LRCH4: variants seen among roughly 807,000 people sequenced by gnomAD.
The protein encoded by LRCH4 is leucine-rich repeat and calponin homology domain-containing protein 4.
In LRCH4, 56 loss-of-function variants were observed where a neutral mutation model predicts 81.2. That is an observed-to-expected ratio of 0.69 (90% CI 0.56 to 0.86). The LOEUF (loss-of-function observed/expected upper bound fraction) is 0.86. Among genes scored for constraint, LRCH4 ranks in the 40% least tolerant of loss-of-function variants. The pLI, the probability that LRCH4 is intolerant of heterozygous loss-of-function variation, is 0.00. For synonymous variants in LRCH4, 442 were observed against 409.7 expected (o/e 1.08, Z -0.95); for missense variants, 895 against 922.8 (o/e 0.97, Z 0.39).
Position 100,577,579 on chromosome 7 carries a change from C to T in LRCH4, c.1117-21G>A. 1.1e-5 allele frequency: 17 copies of T among 1,611,326 alleles called. No individual in the cohort carries two copies. Among genetic ancestry groups the T allele is most frequent in the Non-Finnish European group, 1.4e-5 (17 of 1,179,908 alleles). On this transcript the variant is annotated intron_variant, in intron 9 of 17. Transcript: ENST00000310300. The surrounding 1 kb of genome is among the most constrained non-coding windows in gnomAD (Gnocchi z 6.7). Reference sequence around the variant, plus strand: ...TGCTCCTAAGGAGAGAACAGCAGAGCAGCTGAGGGCAGGCCTGTGCCCACG... The same window carrying T: ...TGCTCCTAAGGAGAGAACAGCAGAGTAGCTGAGGGCAGGCCTGTGCCCACG...
At chr7:100,584,390 G>A (rs1279905413) in intron 1 of LRCH4, among the ~76,000 whole-genome samples, 5 of 151,870 alleles carry the variant, frequency 3.3e-5, no homozygotes, top group East Asian at 3.9e-4. Flanking sequence ...ACAGGAGCAC[G>A]GCTGCACCCT....
chr7:100,581,598 C>T (rs1801560782), intron 4 of LRCH4, 179 bp downstream of exon 4: 1 of 580,398 alleles, frequency 1.7e-6, no homozygotes, highest in East Asian at 3.0e-5. Flanking sequence ...CCAGGAAAAG[C>T]ACCCTGCCAG....
At chr7:100,584,214 T>A (rs747280107) in intron 1 of LRCH4, 2 of 456,326 alleles carry the variant, frequency 4.4e-6, no homozygotes, top group South Asian at 3.1e-5. Flanking sequence ...TGGGCAACTG[T>A]ATGTTTTTGT....
In LRCH4 at chr7:100,581,516, T is replaced by C. The variant is rs41280980; in HGVS notation, c.598+261A>G. 7.5e-3 allele frequency: 3,044 copies of C among 407,722 alleles called. 18 individuals are homozygous for C. The highest frequency in any genetic ancestry group is 9.6e-3 in the Non-Finnish European group (2,157 of 224,168). The allele number at this position is 407,722 out of a possible 1,614,324, so 25.3% of individuals were successfully genotyped here. ...CATCAGTGAGATTTGTGCTCCTTTA[T>C]CAAAGAGGCCCCAGAGGGCTGTCTC... On this transcript the variant is annotated intron_variant, in intron 4 of 17. Coordinates refer to ENST00000310300, the MANE Select transcript of LRCH4 (RefSeq NM_002319.5).
chr7:100,577,315 T>TGCCGCC lies in LRCH4; in HGVS notation c.1247_1252dup (p.Arg416_Arg417dup). The TGCCGCC allele has an allele frequency of 1.3e-6, 2 of 1,596,552 alleles. No homozygotes were observed. The highest frequency in any genetic ancestry group is 1.7e-6 in the Non-Finnish European group (2 of 1,177,934). On this transcript the variant is annotated inframe_insertion, in exon 11 of 18. Coordinates refer to ENST00000310300, the MANE Select transcript of LRCH4 (RefSeq NM_002319.5). This position sits in a 1 kb window ranked among gnomAD's most constrained non-coding sequence, Gnocchi z 6.7. The stretch of plus-strand genomic sequence containing the variant: ...CCCCCACGCCCCGCTCTGCTGCTGC[T>TGCCGCC]GCCGCCGTTCCCGCTCCTGCCACAG...
In LRCH4 at chr7:100,575,702, T is replaced by A. The variant is rs1313589922; in HGVS notation, c.1854+3A>T. ...ACCACTCTTTAGAAAGCAGCCCCCA[T>A]ACCTCAGGCACCCCCATTTTTCGAC... On this transcript the variant is annotated splice_donor_region_variant and intron_variant, in intron 17 of 17. Coordinates refer to ENST00000310300, the MANE Select transcript of LRCH4 (RefSeq NM_002319.5). The surrounding 1 kb of genome is among the most constrained non-coding windows in gnomAD (Gnocchi z 5.3). The A allele has an allele frequency of 6.2e-7, 1 of 1,614,112 alleles. No homozygotes were observed. Among genetic ancestry groups the A allele is most frequent in the Non-Finnish European group, 8.5e-7 (1 of 1,179,956 alleles).
rs1448383637 is a variant in LRCH4, at chr7:100,575,257, C to T, written c.1902G>A (p.Gly634=). 1.9e-6 allele frequency: 3 copies of T among 1,582,428 alleles called. No homozygotes were observed. Among genetic ancestry groups the T allele is most frequent in the East Asian group, 2.3e-5 (1 of 43,724 alleles). ...TCACGGCCTCCAGCGCGGTCCGCAG[C>T]CCCCGGGCAGTGCCCTGGAGGAGAT... is the stretch of plus-strand genomic sequence containing the variant. The part of the protein sequence containing the change: ...PSDLLQGTAR[G]LRTALEAVKR... The change falls in exon 18 of 18, where the codon GGG becomes GGA. Residue 634 remains glycine, a synonymous_variant. Coordinates refer to ENST00000310300, the MANE Select transcript of LRCH4 (RefSeq NM_002319.5). This position sits in a 1 kb window ranked among gnomAD's most constrained non-coding sequence, Gnocchi z 5.3.
rs139180317 is a variant in LRCH4 at position 100,585,970 on chromosome 7, G to C, written c.131C>G (p.Thr44Ser). Reference protein sequence around the residue: ...AERALEEAVATGTLNLSNRRL... With the variant: ...AERALEEAVASGTLNLSNRRL... ...CCGGTTAGACAGGTTCAGGGTCCCG[G>C]TGGCCACGGCCTCCTCTAGGGCCCG... Residue 44 changes from threonine (T) to serine (S), a missense_variant, in exon 1 of 18, where the codon ACC becomes AGC. Thr to Ser is a moderately conservative substitution (Grantham distance 58). Around this residue, in one of 3 missense-constraint regions of LRCH4, gnomAD observed 360 missense variants for 397.0 expected, o/e 0.91. Transcript: ENST00000310300. 7.4e-6 allele frequency: 12 copies of C among 1,612,390 alleles called. No individual in the cohort carries two copies. Among genetic ancestry groups the C allele is most frequent in the Non-Finnish European group, 1.0e-5 (12 of 1,179,120 alleles).
Position 100,577,803 on chromosome 7 carries a change from G to T in LRCH4, c.1039+19C>A. ...CAGGCCCTGGTCCAGCCCAGCTCCC[G>T]GCCAGCCCTGCTACTCACCTGAGCC... On this transcript the variant is annotated intron_variant, in intron 8 of 17. Transcript: ENST00000310300. This position sits in a 1 kb window ranked among gnomAD's most constrained non-coding sequence, Gnocchi z 6.7. 1 of 1,613,884 alleles carries T rather than the reference G, an allele frequency of 6.2e-7. No homozygotes were observed. The highest frequency in any genetic ancestry group is 8.5e-7 in the Non-Finnish European group (1 of 1,179,790).
chr7:100,579,859 C>G (rs1240008951), intron 4 of LRCH4: 2 of 152,240 alleles, frequency 1.3e-5, no homozygotes, highest in African/African-American at 4.8e-5. Context: ...GTGGATCGTT[C>G]CAGACATCCC....
At chr7:100,580,084 AG>A in intron 4 of LRCH4, 1 of 152,246 alleles carries the variant, frequency 6.6e-6, no homozygotes, top group Admixed American at 6.5e-5. Context: ...AGCATGGCAC[AG>A]GCCTTCCTGC....
chr7:100,584,166 G>A (rs1353621118), intron 1 of LRCH4: 3 of 456,438 alleles, frequency 6.6e-6, no homozygotes, highest in Middle Eastern at 3.2e-4. Flanking sequence ...GATGCTTTTC[G>A]TCTGCTTGGA....
At chr7:100,584,602 TG>T in intron 1 of LRCH4, 1 of 379,100 alleles carries the variant, frequency 2.6e-6, no homozygotes, top group South Asian at 1.7e-5. Flanking sequence ...GAGGTCAATC[TG>T]GAGTGTGGGG....
At chr7:100,581,428 A>T (rs932700106) in intron 4 of LRCH4, among the ~76,000 whole-genome samples, 1 of 152,172 alleles carries the variant, frequency 6.6e-6, no homozygotes, top group African/African-American at 2.4e-5. Flanking sequence ...CCTAACCCCC[A>T]AAGTGATGGG....
At position 100,574,154 on chromosome 7, in the gene LRCH4, C is replaced by T. The variant is rs1462194342; in HGVS notation, c.*953G>A. ...AGGCCAAGGGTGCCCAGGCCCAGGCCACCCTCACCACGTGCTTCTCTGAGA... is the reference window on the plus strand; with the variant it reads ...AGGCCAAGGGTGCCCAGGCCCAGGCTACCCTCACCACGTGCTTCTCTGAGA... On this transcript the variant is annotated 3_prime_UTR_variant, in exon 18 of 18. Transcript: ENST00000310300. 6.3e-6 allele frequency: 1 copy of T among 158,250 alleles called. No individual in the cohort carries two copies. The highest frequency in any genetic ancestry group is 2.4e-5 in the African/African-American group (1 of 41,492). The allele number at this position is 158,250 out of a possible 1,614,324, so 9.8% of individuals were successfully genotyped here. A position where few individuals can be genotyped will look rare whatever the true frequency, so the allele number is the denominator to read the frequency against.
rs773086125 is a variant in LRCH4 at position 100,578,406 on chromosome 7, T to G, written c.841A>C (p.Ser281Arg). Residue 281 changes from serine (S) to arginine (R), a missense_variant, in exon 6 of 18, where the codon AGT becomes CGT. By Grantham distance (110) the Ser-to-Arg change is moderately radical (BLOSUM62 -1). Transcript: ENST00000310300. The surrounding 1 kb of genome is among the most constrained non-coding windows in gnomAD (Gnocchi z 5.7). Reference sequence around the variant, plus strand: ...TCCCCACCTAGGACTTACCAGGGACTGAAACTCGGGGGCCGAGAAGGGGCC... The same window carrying G: ...TCCCCACCTAGGACTTACCAGGGACGGAAACTCGGGGGCCGAGAAGGGGCC... ...DLAPSRPPSF[S>R]PCPAEDLFPG... 1.2e-6 allele frequency: 2 copies of G among 1,613,608 alleles called. No homozygotes were observed. Among genetic ancestry groups the G allele is most frequent in the South Asian group, 2.2e-5 (2 of 91,020 alleles).
At chr7:100,579,075 C>T in intron 4 of LRCH4, 1 of 452,710 alleles carries the variant, frequency 2.2e-6, no homozygotes, top group Non-Finnish European at 4.0e-6. Context: ...CTGTCCTCCT[C>T]ATCTCCTCGC....
At position 100,582,193 on chromosome 7, in the gene LRCH4, CTGGCTCCCCAGGCA is replaced by C; in HGVS notation, c.366-40_366-27del. On this transcript the variant is annotated intron_variant, in intron 2 of 17. Coordinates refer to ENST00000310300, the MANE Select transcript of LRCH4 (RefSeq NM_002319.5). The surrounding 1 kb of genome is among the most constrained non-coding windows in gnomAD (Gnocchi z 5.0). ...CTGTGGAAGGGAGAAAGGCAGCGGA[CTGGCTCCCCAGGCA>C]TGGCATCCCAGCACTGCCATCCTCT... is the stretch of plus-strand genomic sequence containing the variant. The C allele has an allele frequency of 6.2e-7, 1 of 1,613,568 alleles. No homozygotes were observed. Among genetic ancestry groups the C allele is most frequent in the East Asian group, 2.2e-5 (1 of 44,880 alleles).
At chr7:100,576,069 A>C in intron 15 of LRCH4, 61 bp from the exon 16 acceptor site, 17 of 1,550,588 alleles carry the variant, frequency 1.1e-5, no homozygotes, top group Non-Finnish European at 1.5e-5. Flanking sequence ...GGAGGCAGGG[A>C]GAGTGGGGGG....
Sources: allele counts gnomAD v4.1 joint callset (sites outside exome capture counted in the v4.1 genomes callset), GRCh38; gene constraint gnomAD v4.1.1; regional missense constraint gnomAD v4.1.1; non-coding constraint Gnocchi (gnomAD v3.1); transcripts MANE v1.5; gene names NCBI Gene and HGNC (gene_info 2026-07-23, HGNC 2026-07-21).